Variants in NKTR observed in about 807,000 individuals in gnomAD.
The protein encoded by NKTR is natural killer cell triggering receptor, also known as NK-tumor recognition protein.
In NKTR, 67 loss-of-function variants were observed where a neutral mutation model predicts 156.3. The ratio of observed to expected loss-of-function variants is 0.43; its 90% CI spans 0.35 to 0.53. NKTR has a LOEUF of 0.53. NKTR is among the 20% of genes least tolerant of loss of function. The pLI, the probability that NKTR is intolerant of heterozygous loss-of-function variation, is 0.01. For missense variants in NKTR, 1,604 were observed against 1,730.9 expected, an observed-to-expected ratio of 0.93 and a Z score of 1.30; for synonymous variants, 640 against 596.6, an observed-to-expected ratio of 1.07 and a Z score of -1.06.
chr3:42,641,243 TTTA>T (rs1402159742), intron 13 of NKTR, among the ~76,000 whole-genome samples: 1 of 152,242 alleles, frequency 6.6e-6, no homozygotes, highest in Non-Finnish European at 1.5e-5. Flanking sequence ...AGGGTCTGGC[TTTA>T]TTATTTTTGG....
chr3:42,612,958 TC>T (rs775624543), intron 2 of NKTR, among the ~76,000 whole-genome samples: 1 of 152,176 alleles, frequency 6.6e-6, no homozygotes, highest in Non-Finnish European at 1.5e-5. Flanking sequence ...ATTTGGGTGT[TC>T]CTTCATTTAT....
Position 42,646,040 on chromosome 3 carries a change from T to C in NKTR, c.*65T>C. The C allele has an allele frequency of 8.6e-7, 1 of 1,156,264 alleles. No individual in the cohort carries two copies. The highest frequency in any genetic ancestry group is 1.3e-6 in the Non-Finnish European group (1 of 778,610). The allele number at this position is 1,156,264 out of a possible 1,614,324, so 71.6% of individuals were successfully genotyped here. ...TGGCAACTTAGCTTAAGAAATGTAATGACAGTCTGTTGTTCTATTTCAATA... is the reference window on the plus strand; with the variant it reads ...TGGCAACTTAGCTTAAGAAATGTAACGACAGTCTGTTGTTCTATTTCAATA... On this transcript the variant is annotated 3_prime_UTR_variant, in exon 17 of 17. Transcript: ENST00000232978.
At chr3:42,631,738 C>A (rs892177194) in intron 8 of NKTR, among the ~76,000 whole-genome samples, 2 of 152,192 alleles carry the variant, frequency 1.3e-5, no homozygotes, top group African/African-American at 4.8e-5. Context: ...CTCCCATCTT[C>A]AATCATCCAA....
chr3:42,617,734 C>A, intron 3 of NKTR, 90 bp downstream of exon 3: 1 of 643,276 alleles, frequency 1.6e-6, no homozygotes, highest in Non-Finnish European at 2.7e-6. Context: ...GAATAATGGA[C>A]TCGTGAAATT....
rs1024418975 is a variant in NKTR at position 42,647,830 on chromosome 3, A to G, written c.*1855A>G. 1.3e-5 allele frequency: 2 copies of G among 152,150 alleles called. No individual in the cohort carries two copies. Among genetic ancestry groups the G allele is most frequent in the African/African-American group, 4.8e-5 (2 of 41,418 alleles). The allele number at this position is 152,150 out of a possible 1,614,324, so 9.4% of individuals were successfully genotyped here. A position where few individuals can be genotyped will look rare whatever the true frequency, so the allele number is the denominator to read the frequency against. On this transcript the variant is annotated 3_prime_UTR_variant, in exon 17 of 17. Coordinates refer to ENST00000232978, the MANE Select transcript of NKTR (RefSeq NM_005385.4). ...GTTTTCTATTGCTGTGTGACAAATTACCCCAAATTTAGCAGTTTAAAAAAC... is the reference window on the plus strand; with the variant it reads ...GTTTTCTATTGCTGTGTGACAAATTGCCCCAAATTTAGCAGTTTAAAAAAC...
chr3:42,625,010 C>T (rs765985872), intron 6 of NKTR, among the ~76,000 whole-genome samples: 7 of 151,998 alleles, frequency 4.6e-5, no homozygotes, highest in East Asian at 1.9e-4. Flanking sequence ...ACCTTCAGTT[C>T]GTTTTTCTTA....
chr3:42,609,128 CA>C (rs34365155), intron 2 of NKTR, among the ~76,000 whole-genome samples: 402 of 131,658 alleles, frequency 3.1e-3, no homozygotes, highest in Middle Eastern at 3.8e-3. Flanking sequence ...ACTCATATAT[CA>C]AAAAAAAAAA....
chr3:42,617,709 G>C, intron 3 of NKTR, 65 bp downstream of exon 3: 1 of 803,936 alleles, frequency 1.2e-6, no homozygotes, highest in Non-Finnish European at 2.1e-6. Context: ...GAACAGAATA[G>C]ATATTTTCCT....
chr3:42,641,746 T>G (rs1577588105), intron 13 of NKTR, among the ~76,000 whole-genome samples: 1 of 151,924 alleles, frequency 6.6e-6, no homozygotes, highest in Non-Finnish European at 1.5e-5. Flanking sequence ...GGCGTGGTAG[T>G]GCGTGTCTGT....
At chr3:42,614,428 T>C (rs1213660862) in intron 2 of NKTR, among the ~76,000 whole-genome samples, 3 of 151,920 alleles carry the variant, frequency 2.0e-5, no homozygotes, top group Non-Finnish European at 2.9e-5. Flanking sequence ...GTGAACCACA[T>C]TGACTTTTTT....
At position 42,600,992 on chromosome 3, in the gene NKTR, G is replaced by T. The variant is rs1312991823; in HGVS notation, c.-15G>T. On this transcript the variant is annotated 5_prime_UTR_variant, in exon 2 of 17. Coordinates refer to ENST00000232978, the MANE Select transcript of NKTR (RefSeq NM_005385.4). ...CTCCCCCTCTCTCCCAGCTCTTGCC[G>T]CCACCTCGGTCGCGATGGGGGCGCA... is the stretch of plus-strand genomic sequence containing the variant. 11 of 1,549,678 alleles carry T rather than the reference G, an allele frequency of 7.1e-6. No individual in the cohort carries two copies. The highest frequency in any genetic ancestry group is 9.6e-6 in the Non-Finnish European group (11 of 1,148,950).
chr3:42,612,109 T>G (rs1184579034), intron 2 of NKTR, among the ~76,000 whole-genome samples: 1 of 152,214 alleles, frequency 6.6e-6, no homozygotes, highest in Non-Finnish European at 1.5e-5. Context: ...TCTTAAAAAA[T>G]AAAATACATT....
chr3:42,631,740 A>G (rs534686050), intron 8 of NKTR, among the ~76,000 whole-genome samples: 14 of 152,238 alleles, frequency 9.2e-5, no homozygotes, highest in South Asian at 2.1e-4. Context: ...CCCATCTTCA[A>G]TCATCCAAAG....
chr3:42,610,381 C>T (rs1706669235), intron 2 of NKTR, among the ~76,000 whole-genome samples: 1 of 152,148 alleles, frequency 6.6e-6, no homozygotes, highest in Non-Finnish European at 1.5e-5. Flanking sequence ...TTTCCTGCTT[C>T]ACTGGAATTA....
rs909529127 is a variant in NKTR at position 42,609,646 on chromosome 3, G to T, written c.59-7924G>T. On this transcript the variant is annotated intron_variant, in intron 2 of 16. Coordinates refer to ENST00000232978, the MANE Select transcript of NKTR (RefSeq NM_005385.4). Reference sequence around the variant, plus strand: ...ATTAAGTTATTATAGGTTACTCTAGGGAATATTGGGCACATTTGCAATTTT... The same window carrying T: ...ATTAAGTTATTATAGGTTACTCTAGTGAATATTGGGCACATTTGCAATTTT... Among the ~76,000 whole-genome samples, 5 of 152,234 alleles carry T rather than the reference G, an allele frequency of 3.3e-5. No homozygotes were observed. The East Asian group carries it at 7.7e-4, about 24-fold the overall frequency.
At chr3:42,623,348 T>C (rs1373697348) in intron 6 of NKTR, among the ~76,000 whole-genome samples, 1 of 152,098 alleles carries the variant, frequency 6.6e-6, no homozygotes, top group Admixed American at 6.6e-5. Context: ...AGTTTGAAAT[T>C]TCCTTCTGGA....
rs114976718 is a variant in NKTR at position 42,632,505 on chromosome 3, T to G, written c.551-96T>G. 8.5e-4 allele frequency: 630 copies of G among 738,534 alleles called. 3 individuals carry two copies. The African/African-American group carries it at 0.01, about 12-fold the overall frequency. The allele number at this position is 738,534 out of a possible 1,614,324, so 45.7% of individuals were successfully genotyped here. On this transcript the variant is annotated intron_variant, in intron 8 of 16. Coordinates refer to ENST00000232978, the MANE Select transcript of NKTR (RefSeq NM_005385.4). ...CATTTCATTTTTTGTTTGCTGTATG[T>G]AAAGCATATTTTATGATATTCAGTA...
rs1707754798 is a variant in NKTR at position 42,619,978 on chromosome 3, TC to T, written c.286+272del. The T allele has an allele frequency of 2.0e-6, 3 of 1,531,104 alleles. No individual in the cohort carries two copies. In the African/African-American group the frequency reaches 4.1e-5, roughly 21 times the overall value. 94.8% of individuals were successfully genotyped at this position (1,531,104 alleles called of 1,614,324 possible). On this transcript the variant is annotated intron_variant, in intron 5 of 16. Coordinates refer to ENST00000232978, the MANE Select transcript of NKTR (RefSeq NM_005385.4). ...ACTATATACATGAAAACTCCTATCT[TC>T]CTGCCTAAAACTGTCAACATATTCT...
At chr3:42,601,386 C>T in intron 2 of NKTR, 1 of 222,812 alleles carries the variant, frequency 4.5e-6, no homozygotes, top group East Asian at 9.4e-5. Flanking sequence ...GTGAGGCAGA[C>T]ACTCCCGATC....
Sources: allele counts gnomAD v4.1 joint callset (sites outside exome capture counted in the v4.1 genomes callset), GRCh38; gene constraint gnomAD v4.1.1; transcripts MANE v1.5; gene names NCBI Gene and HGNC (gene_info 2026-07-23, HGNC 2026-07-21).